The following PIGQ variants were observed in gnomAD, a reference collection of about 807,000 sequenced individuals.
PIGQ encodes the protein phosphatidylinositol glycan anchor biosynthesis class Q.
A neutral mutation model predicts 60.3 loss-of-function variants in PIGQ; 54 were observed. That is an observed-to-expected ratio of 0.90 (90% CI 0.72 to 1.12). The LOEUF (loss-of-function observed/expected upper bound fraction) is 1.12, where lower values mean the gene tolerates loss of function less well. Ranked by LOEUF, PIGQ falls within the 50% of genes most tolerant of loss-of-function variation. The pLI is 0.00. For synonymous variants in PIGQ, 416 were observed against 363.7 expected (o/e 1.14, Z -1.64); for missense variants, 799 against 793.5 (o/e 1.01, Z -0.08).
In PIGQ at chr16:583,723, G is replaced by A. The variant is rs757856511; in HGVS notation, c.*688G>A. 102 of 1,439,644 alleles carry A rather than the reference G, an allele frequency of 7.1e-5. No homozygotes were observed. Among genetic ancestry groups the A allele is most frequent in the African/African-American group, 2.0e-4 (14 of 71,700 alleles). The allele number at this position is 1,439,644 out of a possible 1,614,324, so 89.2% of individuals were successfully genotyped here. A position where few individuals can be genotyped will look rare whatever the true frequency, so the allele number is the denominator to read the frequency against. On this transcript the variant is annotated 3_prime_UTR_variant, in exon 11 of 11. Transcript: ENST00000321878. ...CAAGGGCCCGCCCACTGACCCAGCC[G>A]TACCTATTCGTCCACGGTGCCCCGT... is the stretch of plus-strand genomic sequence containing the variant.
intron 4 of PIGQ, 23 bp downstream of exon 4, chr16:576,277 C>T (rs750535637): frequency 2.0e-5 from 31 of 1,550,244 alleles, no homozygotes; most frequent in East Asian, 7.2e-5. Context: ...GGGTGGAGCC[C>T]GGTGTCCCGG....
chr16:583,918 G>T lies in PIGQ; in HGVS notation c.*883G>T, dbSNP rs1307765499. 2.0e-6 allele frequency: 1 copy of T among 498,008 alleles called. No individual in the cohort carries two copies. Among genetic ancestry groups the T allele is most frequent in the East Asian group, 3.7e-5 (1 of 27,118 alleles). The allele number at this position is 498,008 out of a possible 1,614,324, so 30.8% of individuals were successfully genotyped here. A position where few individuals can be genotyped will look rare whatever the true frequency, so the allele number is the denominator to read the frequency against. On this transcript the variant is annotated 3_prime_UTR_variant, in exon 11 of 11. Coordinates refer to ENST00000321878, the MANE Select transcript of PIGQ (RefSeq NM_004204.5). ...GCCAGACGGCACGGTCTGGGTGCGG[G>T]TGTTCCCTGTGAGCCCGAGTCCGCT...
intron 1 of PIGQ, among the ~76,000 whole-genome samples, chr16:571,102 TGTGTGTCTGGCTAGCCTGGTGCCC>T (rs1299991465): frequency 4.0e-4 from 5 of 12,564 alleles, no homozygotes; most frequent in Non-Finnish European, 6.1e-4. Context: ...TGTGTGTGTG[TGTGTGTCTGGCTAGCCTGGTGCCC>T]GTGTGTGTGT....
intron 1 of PIGQ, among the ~76,000 whole-genome samples, chr16:572,761 G>A (rs4984668): frequency 0.46 from 67,425 of 145,262 alleles, 16,002 homozygotes; most frequent in East Asian, 0.64. Context: ...ACCTCCAGGC[G>A]TCCCGCTCTG....
Position 576,264 on chromosome 16 carries a change from C to T in PIGQ, c.942+10C>T. ...CGTTCCTGTGGCTGACGTGAGTGGA[C>T]TGGGGTGGAGCCCGGTGTCCCGGGT... On this transcript the variant is annotated intron_variant, in intron 4 of 10. Coordinates refer to ENST00000321878, the MANE Select transcript of PIGQ (RefSeq NM_004204.5). The T allele has an allele frequency of 6.4e-7, 1 of 1,554,342 alleles. No homozygotes were observed. The highest frequency in any genetic ancestry group is 8.7e-7 in the Non-Finnish European group (1 of 1,149,622).
intron 1 of PIGQ, among the ~76,000 whole-genome samples, chr16:571,320 A>G (rs1246144090): frequency 4.2e-4 from 2 of 4,774 alleles, no homozygotes; most frequent in African/African-American, 7.9e-4. Flanking sequence ...CTAGCCTGGC[A>G]ACCATGGCTA....
chr16:574,801 G>A (rs1376306732), intron 2 of PIGQ, 38 bp downstream of exon 2: 1 of 1,431,962 alleles, frequency 7.0e-7, no homozygotes, highest in African/African-American at 1.4e-5. Flanking sequence ...AAAGAGTGGG[G>A]TCCCATGAGT....
chr16:571,614 G>A (rs1056710963), intron 1 of PIGQ, among the ~76,000 whole-genome samples: 798 of 49,526 alleles, frequency 0.016, 27 homozygotes, highest in African/African-American at 0.073. Context: ...TGGCGCCCGT[G>A]TGTGTGTGTG....
At position 574,323 on chromosome 16, in the gene PIGQ, C is replaced by G; in HGVS notation, c.249C>G (p.Ser83Arg). The G allele has an allele frequency of 6.2e-7, 1 of 1,607,672 alleles. No homozygotes were observed. Among genetic ancestry groups the G allele is most frequent in the East Asian group, 2.2e-5 (1 of 44,802 alleles). Residue 83 changes from serine to arginine, a missense_variant, in exon 2 of 11, where the codon AGC becomes AGG. Transcript: ENST00000321878. ...PEESLGRFLE[S>R]LGAVFPHEPW... is the part of the protein sequence containing the mutation. ...AGAGCCTGGGCCGCTTCCTGGAGAG[C>G]CTGGGTGCTGTCTTCCCCCATGAGC...
intron 6 of PIGQ, 24 bp from the exon 7 acceptor site, chr16:579,045 G>GCCCGA: frequency 6.3e-7 from 1 of 1,596,820 alleles, no homozygotes; most frequent in Admixed American, 1.7e-5. Flanking sequence ...GCGGGGCCGG[G>GCCCGA]CCCGACAGCA....
At chr16:579,897 G>A (rs1025041331) in intron 7 of PIGQ, 5 of 307,518 alleles carry the variant, frequency 1.6e-5, no homozygotes, top group Non-Finnish European at 2.4e-5. Flanking sequence ...CACACTTGCC[G>A]CAGCCGCTGG....
intron 7 of PIGQ, 181 bp from the exon 8 acceptor site, chr16:580,002 C>A (rs2151048264): frequency 2.0e-6 from 1 of 508,764 alleles, no homozygotes; most frequent in Non-Finnish European, 3.5e-6. Context: ...GTCCCCTAGT[C>A]CGTGGGGTGT....
Position 574,686 on chromosome 16 carries a change from G to A in PIGQ, c.612G>A (p.Leu204=), listed in dbSNP as rs997356295. 2.5e-6 allele frequency: 4 copies of A among 1,604,552 alleles called. No individual in the cohort carries two copies. In the African/African-American group the frequency reaches 4.0e-5, roughly 16 times the overall value. The change falls in exon 2 of 11, where the codon CTG becomes CTA. Residue 204 remains leucine (L), a synonymous_variant. Coordinates refer to ENST00000321878, the MANE Select transcript of PIGQ (RefSeq NM_004204.5). ...TGGAGGCCAGCATCCTCGCGGAGCT[G>A]GCCAGGCGAGCCTCGGGACCCATTT... is the stretch of plus-strand genomic sequence containing the variant. The part of the protein sequence containing the change: ...EGVEASILAE[L]ARRASGPICL...
At chr16:573,514 C>T (rs1241063066) in intron 1 of PIGQ, among the ~76,000 whole-genome samples, 4 of 152,160 alleles carry the variant, frequency 2.6e-5, no homozygotes, top group Non-Finnish European at 4.4e-5. Context: ...GGCTGCCCGC[C>T]GTGCGCACGA....
intron 2 of PIGQ, among the ~76,000 whole-genome samples, chr16:575,141 C>T (rs902881215): frequency 6.6e-6 from 1 of 152,202 alleles, no homozygotes; most frequent in African/African-American, 2.4e-5. Context: ...TGTAGCCCTG[C>T]CTGTGCCCCC....
At position 578,712 on chromosome 16, in the gene PIGQ, G is replaced by A. The variant is rs1460513921; in HGVS notation, c.1070-73G>A. 4.6e-6 allele frequency: 7 copies of A among 1,528,322 alleles called. No homozygotes were observed. In the African/African-American group the frequency reaches 8.2e-5, roughly 18 times the overall value. The allele number at this position is 1,528,322 out of a possible 1,614,324, so 94.7% of individuals were successfully genotyped here. A position where few individuals can be genotyped will look rare whatever the true frequency, so the allele number is the denominator to read the frequency against. ...CCAGGCTACACGCACCTCATGTCCT[G>A]TGTGTGTGAGGGTTGTGCTGGGCCG... is the stretch of plus-strand genomic sequence containing the variant. On this transcript the variant is annotated intron_variant, in intron 5 of 10. Transcript: ENST00000321878.
intron 10 of PIGQ, 163 bp from the exon 11 acceptor site, chr16:582,720 A>G (rs2035832849): frequency 1.3e-6 from 1 of 780,264 alleles, no homozygotes; most frequent in Non-Finnish European, 2.1e-6. Flanking sequence ...TTCTGGCTGC[A>G]GGCTCACTTG....
chr16:578,512 G>A lies in PIGQ; in HGVS notation c.1069+7G>A, dbSNP rs781408063. 4 of 1,610,764 alleles carry A rather than the reference G, an allele frequency of 2.5e-6. No homozygotes were observed. The highest frequency in any genetic ancestry group is 2.2e-5 in the South Asian group (2 of 91,034). On this transcript the variant is annotated splice_region_variant and intron_variant, in intron 5 of 10. Transcript: ENST00000321878. ...CACATCCACCTGTGGATCAGTGAGT[G>A]CAGGGCAGGCGGGGGCCCCAGGGAC... is the stretch of plus-strand genomic sequence containing the variant.
intron 5 of PIGQ, 71 bp downstream of exon 5, chr16:578,576 C>T: frequency 7.8e-6 from 12 of 1,538,400 alleles, no homozygotes; most frequent in Non-Finnish European, 1.1e-5. Flanking sequence ...CCAGCCAGAC[C>T]CCGCCCCCTG....
Sources: gnomAD v4.1 joint callset for allele counts (sites outside exome capture counted in the v4.1 genomes callset) on GRCh38, gnomAD v4.1.1 for gene constraint, MANE v1.5 for transcripts, NCBI Gene and HGNC (gene_info 2026-07-23, HGNC 2026-07-21) for gene names.